The following MRPL9 variants were observed in gnomAD, a reference collection of about 807,000 sequenced individuals.
MRPL9 encodes mitochondrial ribosomal protein L9, also known as large ribosomal subunit protein bL9m.
MRPL9 carries 25 observed loss-of-function variants against 27.6 expected under a neutral mutation model. The ratio of observed to expected loss-of-function variants is 0.91; its 90% confidence interval spans 0.66 to 1.27. The LOEUF (loss-of-function observed/expected upper bound fraction) is 1.27, where lower values mean the gene tolerates loss of function less well. Among genes scored for constraint, MRPL9 ranks in the 50% most tolerant of loss-of-function variants. The pLI, the probability that MRPL9 is intolerant of heterozygous loss-of-function variation, is 0.00. For missense variants in MRPL9, 362 were observed against 338.0 expected (o/e 1.07, Z -0.56); for synonymous variants, 154 against 139.0 (o/e 1.11, Z -0.76).
intron 2 of MRPL9, 78 bp from the exon 3 acceptor site, chr1:151,762,578 C>T: frequency 7.0e-7 from 1 of 1,437,672 alleles, no homozygotes; most frequent in Non-Finnish European, 9.5e-7. Flanking sequence ...AGAGAAGCAC[C>T]TCTTAGTTTC....
chr1:151,760,388 G>T (rs1430157548), intron 6 of MRPL9, among the ~76,000 whole-genome samples: 1 of 151,918 alleles, frequency 6.6e-6, no homozygotes, highest in Non-Finnish European at 1.5e-5. Flanking sequence ...GACCAGCCTG[G>T]CCAACATGGG....
Position 151,761,459 on chromosome 1 carries a change from A to T in MRPL9, c.580T>A (p.Phe194Ile). The T allele has an allele frequency of 6.2e-7, 1 of 1,613,304 alleles. No homozygotes were observed. ...LNPEIVARHF[F>I]KNLGVVVAPH... ...TGGGAACACTCACTCACATTCTTAAAGAAGTGGCGGGCAACTATTTCAGGG... is the reference window on the plus strand; with the variant it reads ...TGGGAACACTCACTCACATTCTTAATGAAGTGGCGGGCAACTATTTCAGGG... Residue 194 changes from phenylalanine to isoleucine, a missense_variant, in exon 5 of 7, where the codon TTT becomes ATT. Coordinates refer to ENST00000368830, the MANE Select transcript of MRPL9 (RefSeq NM_031420.4).
chr1:151,760,620 T>C (rs1188171536), intron 6 of MRPL9, among the ~76,000 whole-genome samples, 196 bp downstream of exon 6: 1 of 132,890 alleles, frequency 7.5e-6, no homozygotes, highest in African/African-American at 2.8e-5. Flanking sequence ...AAGGGAGAGG[T>C]AGGTGCTAGG....
intron 4 of MRPL9, 182 bp downstream of exon 4, chr1:151,761,923 C>T: frequency 1.6e-6 from 1 of 633,794 alleles, no homozygotes; most frequent in Non-Finnish European, 2.8e-6. Flanking sequence ...TAAGGCACTT[C>T]ACCCAACACA....
chr1:151,762,174 G>A lies in MRPL9; in HGVS notation c.436-19C>T. The A allele has an allele frequency of 5.0e-6, 8 of 1,613,706 alleles. No individual in the cohort carries two copies. The highest frequency in any genetic ancestry group is 6.8e-6 in the Non-Finnish European group (8 of 1,179,708). ...GTCTCAGCTAGAAAAGAAAGTTAAA[G>A]ATGAAAAGCAGTAAAAGAAAAATGA... On this transcript the variant is annotated intron_variant, in intron 3 of 6. Coordinates refer to ENST00000368830, the MANE Select transcript of MRPL9 (RefSeq NM_031420.4).
In MRPL9 at chr1:151,759,794, A is replaced by G; in HGVS notation, c.*256T>C. On this transcript the variant is annotated 3_prime_UTR_variant, in exon 7 of 7. Transcript: ENST00000368830. The stretch of plus-strand genomic sequence containing the variant: ...GAGGAAGAAGCTAAACAGGTTTTGG[A>G]TGGTTTCGGTCTACTGCATCTAGCT... The G allele has an allele frequency of 2.6e-6, 1 of 383,600 alleles. No homozygotes were observed. The allele number at this position is 383,600 out of a possible 1,614,324, so 23.8% of individuals were successfully genotyped here. A position where few individuals can be genotyped will look rare whatever the true frequency, so the allele number is the denominator to read the frequency against.
chr1:151,760,940 G>C, intron 5 of MRPL9, 41 bp from the exon 6 acceptor site: 1 of 1,343,836 alleles, frequency 7.4e-7, no homozygotes, highest in Non-Finnish European at 9.7e-7. Context: ...CAGCTCAAAT[G>C]AACTCTGTTT....
chr1:151,760,917 A>AT lies in MRPL9; in HGVS notation c.589-19_589-18insA, dbSNP rs762709505. 3.8e-5 allele frequency: 59 copies of AT among 1,551,772 alleles called. 1 individual carries two copies. In the African/African-American group the frequency reaches 7.0e-4, roughly 18 times the overall value. On this transcript the variant is annotated intron_variant, in intron 5 of 6. Coordinates refer to ENST00000368830, the MANE Select transcript of MRPL9 (RefSeq NM_031420.4). ...ACACCAAGCTGCAAAAAAAAAAAAA[A>AT]AAAAAAAAATCTCAGCTCAAATGAA...
In MRPL9 at chr1:151,762,992, T is replaced by C; in HGVS notation, c.308A>G (p.Glu103Gly). ...NLELILTQSV[E>G]NVGVRGDLVS... ...AAGCGCCTCGGCCCGGGCCTTACTC[T>C]CCACCGACTGCGTCAGGATGAGCTC... is the stretch of plus-strand genomic sequence containing the variant. The change falls in exon 2 of 7, where the codon GAG (glutamate) becomes GGG (glycine). Residue 103 changes from glutamate to glycine, a missense_variant and splice_region_variant. Transcript: ENST00000368830. The C allele has an allele frequency of 6.2e-7, 1 of 1,613,948 alleles. No individual in the cohort carries two copies. Among genetic ancestry groups the C allele is most frequent in the Non-Finnish European group, 8.5e-7 (1 of 1,179,934 alleles).
At position 151,760,903 on chromosome 1, in the gene MRPL9, C is replaced by CAAAAAAAAAAAAAAAAAAAAA. The variant is rs755031728; in HGVS notation, c.589-25_589-5dup. ...GTGGGGCAACCACAACACCAAGCTG[C>CAAAAAAAAAAAAAAAAAAAAA]AAAAAAAAAAAAAAAAAAAAAAATC... On this transcript the variant is annotated splice_polypyrimidine_tract_variant and splice_region_variant and intron_variant, in intron 5 of 6. Coordinates refer to ENST00000368830, the MANE Select transcript of MRPL9 (RefSeq NM_031420.4). 1.2e-4 allele frequency: 119 copies of CAAAAAAAAAAAAAAAAAAAAA among 953,832 alleles called. 2 individuals are homozygous for CAAAAAAAAAAAAAAAAAAAAA. The highest frequency in any genetic ancestry group is 2.0e-4 in the Admixed American group (4 of 19,794). The allele number at this position is 953,832 out of a possible 1,614,324, so 59.1% of individuals were successfully genotyped here.
chr1:151,761,845 G>A (rs1368830544), intron 4 of MRPL9: 8 of 592,598 alleles, frequency 1.3e-5, no homozygotes, highest in Non-Finnish European at 2.1e-5. Context: ...ATCCTTGAAG[G>A]CAGAGCCCTC....
Position 151,762,800 on chromosome 1 carries a change from A to G in MRPL9, c.310+190T>C. The G allele has an allele frequency of 5.1e-6, 4 of 777,156 alleles. No individual in the cohort carries two copies. In the South Asian group the frequency reaches 7.2e-5, roughly 14 times the overall value. 48.1% of individuals were successfully genotyped at this position (777,156 alleles called of 1,614,324 possible). On this transcript the variant is annotated intron_variant, in intron 2 of 6. Transcript: ENST00000368830. ...CACTGTTAATGATGTTGCTGCCTTT[A>G]TGTTTTAATTTTCAATGCTGGAGGC...
At chr1:151,760,576 C>CG (rs1648016811) in intron 6 of MRPL9, among the ~76,000 whole-genome samples, 1 of 50,342 alleles carries the variant, frequency 2.0e-5, no homozygotes, top group African/African-American at 8.7e-5. Context: ...GACTCCAGCT[C>CG]AAAAAAAAAA....
Position 151,760,921 on chromosome 1 carries a change from A to AAATAAAT in MRPL9, c.589-23_589-22insATTTATT, listed in dbSNP as rs1553276961. On this transcript the variant is annotated intron_variant, in intron 5 of 6. Coordinates refer to ENST00000368830, the MANE Select transcript of MRPL9 (RefSeq NM_031420.4). ...CAAGCTGCAAAAAAAAAAAAAAAAA[A>AAATAAAT]AAAAATCTCAGCTCAAATGAACTCT... is the stretch of plus-strand genomic sequence containing the variant. 6 of 1,541,112 alleles carry AAATAAAT rather than the reference A, an allele frequency of 3.9e-6. No homozygotes were observed. In the African/African-American group the frequency reaches 7.3e-5, roughly 19 times the overall value.
In MRPL9 at chr1:151,763,093, C is replaced by T; in HGVS notation, c.207G>A (p.Arg69=). 1.2e-6 allele frequency: 2 copies of T among 1,614,028 alleles called. No homozygotes were observed. Among genetic ancestry groups the T allele is most frequent in the Non-Finnish European group, 1.7e-6 (2 of 1,179,984 alleles). Residue 69 remains arginine, a synonymous_variant, in exon 2 of 7, where the codon CGG becomes CGA. Coordinates refer to ENST00000368830, the MANE Select transcript of MRPL9 (RefSeq NM_031420.4). ...WWKVPLAGEG[R]KPRLHRRHRV... is the part of the protein sequence containing the mutation. ...GATGTCGCCGGTGCAGGCGCGGCTT[C>T]CGGCCCTCCCCGGCCAGCGGTACCT...
rs374434055 is a variant in MRPL9 at position 151,761,520 on chromosome 1, C to T, written c.519G>A (p.Glu173=). Residue 173 remains glutamate, a synonymous_variant, in exon 5 of 7, where the codon GAG becomes GAA. Coordinates refer to ENST00000368830, the MANE Select transcript of MRPL9 (RefSeq NM_031420.4). ...TVKFLKSCRL[E]VGMKNNVKWE... ...ATTTGACATTGTTCTTCATCCCTAC[C>T]TCCAGGCGACAGCTTTTTAGAAATT... 34 of 1,613,760 alleles carry T rather than the reference C, an allele frequency of 2.1e-5. No individual in the cohort carries two copies. Among genetic ancestry groups the T allele is most frequent in the African/African-American group, 9.3e-5 (7 of 74,910 alleles).
chr1:151,761,439 A>G lies in MRPL9; in HGVS notation c.588+12T>C. ...CTCAGGGGTAGAGTGGTTTTTGGGA[A>G]CACTCACTCACATTCTTAAAGAAGT... On this transcript the variant is annotated intron_variant, in intron 5 of 6. Coordinates refer to ENST00000368830, the MANE Select transcript of MRPL9 (RefSeq NM_031420.4). The G allele has an allele frequency of 3.7e-6, 6 of 1,603,618 alleles. No individual in the cohort carries two copies. The highest frequency in any genetic ancestry group is 5.1e-6 in the Non-Finnish European group (6 of 1,170,548).
At chr1:151,762,791 G>T (rs1461865241) in intron 2 of MRPL9, 199 bp downstream of exon 2, 4 of 740,110 alleles carry the variant, frequency 5.4e-6, no homozygotes, top group Non-Finnish European at 8.8e-6. Flanking sequence ...TAATGATGTT[G>T]CTGCCTTTAT....
rs529576158 is a variant in MRPL9 at position 151,762,533 on chromosome 1, A to T, written c.311-33T>A. 8.7e-6 allele frequency: 14 copies of T among 1,610,172 alleles called. 1 individual carries two copies. In the African/African-American group the frequency reaches 9.4e-5, roughly 11 times the overall value. On this transcript the variant is annotated intron_variant, in intron 2 of 6. Coordinates refer to ENST00000368830, the MANE Select transcript of MRPL9 (RefSeq NM_031420.4). Reference sequence around the variant, plus strand: ...TTAGAACAGAGACAGGGGAATTAGAACCATCTAGGAGTCCCTAAAGAAAAG... The same window carrying T: ...TTAGAACAGAGACAGGGGAATTAGATCCATCTAGGAGTCCCTAAAGAAAAG...
Sources: allele counts gnomAD v4.1 joint callset (sites outside exome capture counted in the v4.1 genomes callset), GRCh38; gene constraint gnomAD v4.1.1; transcripts MANE v1.5; gene names NCBI Gene and HGNC (gene_info 2026-07-23, HGNC 2026-07-21).